Variants in RBL2 observed in about 807,000 individuals in gnomAD.
The protein encoded by RBL2 is retinoblastoma-like protein 2.
A neutral mutation model predicts 126.0 loss-of-function variants in RBL2; 56 were observed. The ratio of observed to expected loss-of-function variants is 0.44; its 90% confidence interval spans 0.36 to 0.56. The LOEUF is 0.56. RBL2 is among the 20% of genes least tolerant of loss of function. The pLI, the probability that RBL2 is intolerant of heterozygous loss-of-function variation, is 0.00. For missense variants in RBL2, 1,229 were observed against 1,398.2 expected, an observed-to-expected ratio of 0.88 and a Z score of 1.93; for synonymous variants, 454 against 478.5, an observed-to-expected ratio of 0.95 and a Z score of 0.67.
chr16:53,457,510 C>T (rs551510263), intron 8 of RBL2, among the ~76,000 whole-genome samples: 96 of 152,048 alleles, frequency 6.3e-4, no homozygotes, highest in Admixed American at 2.1e-3. Context: ...CTTCCCGCCT[C>T]GGCTTCCTGA....
intron 21 of RBL2, among the ~76,000 whole-genome samples, chr16:53,486,998 C>T (rs183389984): frequency 3.1e-4 from 47 of 152,230 alleles, no homozygotes; most frequent in African/African-American, 1.0e-3. Context: ...AACTATGCAA[C>T]ACATATATCC....
At chr16:53,453,412 G>T (rs756619526) in intron 5 of RBL2, 40 bp from the exon 6 acceptor site, 1 of 1,567,820 alleles carries the variant, frequency 6.4e-7, no homozygotes, top group South Asian at 1.2e-5. Context: ...TTGGCTTATT[G>T]TGTGCTGATA....
Position 53,444,121 on chromosome 16 carries a change from T to C in RBL2, c.572+1263T>C, listed in dbSNP as rs9941072. Among the ~76,000 whole-genome samples, 1,289 of 151,162 alleles carry C rather than the reference T, an allele frequency of 8.5e-3. 9 individuals are homozygous for C. Among genetic ancestry groups the C allele is most frequent in the Middle Eastern group, 0.045 (13 of 290 alleles). ...AAAATTAGCTGTGCGTGGTGGTGCA[T>C]GCCTATAATCCCAGCTACTCGGGAG... On this transcript the variant is annotated intron_variant, in intron 3 of 21. Coordinates refer to ENST00000262133, the MANE Select transcript of RBL2 (RefSeq NM_005611.4).
intron 3 of RBL2, among the ~76,000 whole-genome samples, chr16:53,443,845 A>G (rs2058037950): frequency 6.6e-6 from 1 of 152,224 alleles, no homozygotes; most frequent in East Asian, 1.9e-4. Context: ...CCAGGAGGAA[A>G]AAAAATTTAA....
rs1960682458 is a variant in RBL2 at position 53,475,200 on chromosome 16, T to G, written c.2704-3954T>G. ...AAGGTCAGTAGTAATGTCCTTTTCC[T>G]TTTATGATTGTAGTTTTCGTTTTGT... On this transcript the variant is annotated intron_variant, in intron 17 of 21. Transcript: ENST00000262133. 2.0e-5 allele frequency among the ~76,000 whole-genome samples: 3 copies of G among 152,320 alleles called. No individual in the cohort carries two copies. The South Asian group carries it at 6.2e-4, about 32-fold the overall frequency.
chr16:53,434,692 C>A lies in RBL2; in HGVS notation c.136C>A (p.Gln46Lys). The A allele has an allele frequency of 6.4e-7, 1 of 1,573,444 alleles. No homozygotes were observed. The highest frequency in any genetic ancestry group is 8.6e-7 in the Non-Finnish European group (1 of 1,169,180). The change falls in exon 1 of 22, where the codon CAG becomes AAG. Residue 46 changes from glutamine (Q) to lysine (K), a missense_variant. Physicochemically the swap from Gln to Lys is moderately conservative, Grantham distance 53. This residue lies in a region of RBL2 where 159 missense variants were observed against 123.9 expected (regional missense o/e 1.28). Coordinates refer to ENST00000262133, the MANE Select transcript of RBL2 (RefSeq NM_005611.4). ...TGCCGAGTCGCCCACCCCTCAGATC[C>A]AGCAGCGGTTCGACGAGCTGTGCAG... Reference protein sequence around the residue: ...PPAESPTPQIQQRFDELCSRL... With the variant: ...PPAESPTPQIKQRFDELCSRL...
intron 10 of RBL2, among the ~76,000 whole-genome samples, chr16:53,462,122 G>A (rs1392368958): frequency 6.6e-6 from 1 of 152,132 alleles, no homozygotes; most frequent in Admixed American, 6.6e-5. Flanking sequence ...TTAAATAGAA[G>A]TGTAGTGATT....
intron 8 of RBL2, among the ~76,000 whole-genome samples, chr16:53,455,775 C>G (rs1191514582): frequency 6.6e-6 from 1 of 151,996 alleles, no homozygotes; most frequent in Non-Finnish European, 1.5e-5. Context: ...AAGCTGAGAG[C>G]ATAACAAATG....
In RBL2 at chr16:53,481,905, C is replaced by T. The variant is rs1004146804; in HGVS notation, c.3249+70C>T. On this transcript the variant is annotated intron_variant, in intron 21 of 21. Coordinates refer to ENST00000262133, the MANE Select transcript of RBL2 (RefSeq NM_005611.4). ...TCAGATGCTAGAAACAGGGTTTGTG[C>T]TAAGCTTAGGCACTCATTAGAGTGA... is the stretch of plus-strand genomic sequence containing the variant. 8 of 1,498,616 alleles carry T rather than the reference C, an allele frequency of 5.3e-6. No homozygotes were observed. In the Admixed American group the frequency reaches 1.3e-4, roughly 25 times the overall value. The allele number at this position is 1,498,616 out of a possible 1,614,324, so 92.8% of individuals were successfully genotyped here.
In RBL2 at chr16:53,471,355, TACAC is replaced by T. The variant is rs368677661; in HGVS notation, c.2703+435_2703+438del. 2.8e-3 allele frequency among the ~76,000 whole-genome samples: 420 copies of T among 152,362 alleles called. 2 individuals are homozygous for T. Among genetic ancestry groups the T allele is most frequent in the Non-Finnish European group, 4.3e-3 (295 of 68,034 alleles). ...CCAAAGTACTGTACCATTTTACACT[TACAC>T]AGCAGTATAATAAAGATTTTAGTTT... On this transcript the variant is annotated intron_variant, in intron 17 of 21. Coordinates refer to ENST00000262133, the MANE Select transcript of RBL2 (RefSeq NM_005611.4).
At position 53,490,330 on chromosome 16, in the gene RBL2, A is replaced by C. The variant is rs779126476; in HGVS notation, c.*30A>C. On this transcript the variant is annotated 3_prime_UTR_variant, in exon 22 of 22. Coordinates refer to ENST00000262133, the MANE Select transcript of RBL2 (RefSeq NM_005611.4). ...AGTCTCTTGTATTAAACTCTTCACAAAATCTGTTTAGCAGCAGCCTTTAAT... is the reference window on the plus strand; with the variant it reads ...AGTCTCTTGTATTAAACTCTTCACACAATCTGTTTAGCAGCAGCCTTTAAT... 2.0e-6 allele frequency: 3 copies of C among 1,526,272 alleles called. No individual in the cohort carries two copies. Among genetic ancestry groups the C allele is most frequent in the African/African-American group, 1.4e-5 (1 of 72,238 alleles). 94.5% of individuals were successfully genotyped at this position (1,526,272 alleles called of 1,614,324 possible). A position where few individuals can be genotyped will look rare whatever the true frequency, so the allele number is the denominator to read the frequency against.
chr16:53,447,637 GTATTTATT>G (rs770577025), intron 4 of RBL2, among the ~76,000 whole-genome samples: 6 of 151,352 alleles, frequency 4.0e-5, no homozygotes, highest in African/African-American at 7.3e-5. Flanking sequence ...TGTCCTTTTT[GTATTTATT>G]TATTTATTTA....
At chr16:53,453,287 T>C (rs1243428001) in intron 5 of RBL2, among the ~76,000 whole-genome samples, 165 bp from the exon 6 acceptor site, 1 of 152,194 alleles carries the variant, frequency 6.6e-6, no homozygotes, top group East Asian at 1.9e-4. Context: ...CTATTTGCCA[T>C]TTTTTGACAA....
At chr16:53,460,152 A>G (rs956098425) in intron 9 of RBL2, among the ~76,000 whole-genome samples, 1 of 152,204 alleles carries the variant, frequency 6.6e-6, no homozygotes, top group East Asian at 1.9e-4. Context: ...ACTGGTAGGA[A>G]TATCATTGAG....
chr16:53,442,579 G>T, intron 2 of RBL2, 79 bp from the exon 3 acceptor site: 1 of 1,042,664 alleles, frequency 9.6e-7, no homozygotes, highest in South Asian at 1.5e-5. Context: ...CGATAATATT[G>T]ATTTACTTTT....
At chr16:53,454,582 A>G in intron 7 of RBL2, 74 bp from the exon 8 acceptor site, 1 of 1,324,064 alleles carries the variant, frequency 7.6e-7, no homozygotes, top group Non-Finnish European at 1.0e-6. Context: ...TTAGTAAATA[A>G]AAAAATGAAA....
In RBL2 at chr16:53,466,996, T is replaced by C; in HGVS notation, c.1864-62T>C. 6 of 1,133,836 alleles carry C rather than the reference T, an allele frequency of 5.3e-6. 1 individual carries two copies. The highest frequency in any genetic ancestry group is 4.0e-4 in the Middle Eastern group (2 of 5,056). 70.2% of individuals were successfully genotyped at this position (1,133,836 alleles called of 1,614,324 possible). On this transcript the variant is annotated intron_variant, in intron 13 of 21. Transcript: ENST00000262133. ...ATACTTTTTCTGCCTTAGATTACTA[T>C]TGTATTTGTAATTAAAGTGCTTTTT...
Position 53,434,663 on chromosome 16 carries a change from C to T in RBL2, c.107C>T (p.Pro36Leu). ...GACGGCGAGGCGGAAGACGCCGCGC[C>T]GCCTGCCGAGTCGCCCACCCCTCAG... ...EDDGEAEDAA[P>L]PAESPTPQIQ... Residue 36 changes from proline (P) to leucine (L), a missense_variant, in exon 1 of 22, where the codon CCG becomes CTG. Physicochemically the swap from Pro to Leu is moderately conservative, Grantham distance 98 (BLOSUM62 -3). This residue lies in a region of RBL2 where 159 missense variants were observed against 123.9 expected (regional missense o/e 1.28). Coordinates refer to ENST00000262133, the MANE Select transcript of RBL2 (RefSeq NM_005611.4). 3.2e-6 allele frequency: 5 copies of T among 1,563,574 alleles called. No homozygotes were observed. The highest frequency in any genetic ancestry group is 3.4e-6 in the Non-Finnish European group (4 of 1,164,482).
intron 8 of RBL2, among the ~76,000 whole-genome samples, chr16:53,455,592 A>G (rs150859633): frequency 2.4e-3 from 367 of 152,288 alleles, no homozygotes; most frequent in Non-Finnish European, 4.1e-3. Context: ...ACAAGTAAAT[A>G]TATAGTATGT....
Sources: gnomAD v4.1 joint callset for allele counts (sites outside exome capture counted in the v4.1 genomes callset) on GRCh38, gnomAD v4.1.1 for gene constraint, gnomAD v4.1.1 regional missense constraint, MANE v1.5 for transcripts, NCBI Gene and HGNC (gene_info 2026-07-23, HGNC 2026-07-21) for gene names.